ZNF32: variants seen among roughly 807,000 people sequenced by gnomAD.
The protein encoded by ZNF32 is zinc finger protein 32.
A neutral mutation model predicts 24.4 loss-of-function variants in ZNF32; 13 were observed. The observed-to-expected ratio is 0.53, with a 90% CI of 0.35 to 0.85. The LOEUF (loss-of-function observed/expected upper bound fraction) is 0.85, where lower values mean the gene tolerates loss of function less well. ZNF32 is among the 40% of genes least tolerant of loss of function. ZNF32 has a pLI of 0.01. For missense variants in ZNF32, 239 were observed against 325.3 expected (o/e 0.73, Z 2.04); for synonymous variants, 115 against 117.4 (o/e 0.98, Z 0.13).
At position 43,644,629 on chromosome 10, in the gene ZNF32, C is replaced by G; in HGVS notation, c.243G>C (p.Glu81Asp). The G allele has an allele frequency of 6.2e-7, 1 of 1,614,164 alleles. No homozygotes were observed. Among genetic ancestry groups the G allele is most frequent in the Non-Finnish European group, 8.5e-7 (1 of 1,180,022 alleles). Residue 81 changes from glutamate (E) to aspartate (D), a missense_variant, in exon 3 of 3, where the codon GAG (glutamate) becomes GAC (aspartate). Glu to Asp is a conservative substitution (Grantham distance 45, BLOSUM62 2). Coordinates refer to ENST00000374433, the MANE Select transcript of ZNF32 (RefSeq NM_006973.3). The surrounding 1 kb of genome is among the most constrained non-coding windows in gnomAD (Gnocchi z 5.3). Reference sequence around the variant, plus strand: ...CTTTTTGCCGGAAGGATTTTCCACACTCCTGGCACTCATAGACCCTTTGTC... The same window carrying G: ...CTTTTTGCCGGAAGGATTTTCCACAGTCCTGGCACTCATAGACCCTTTGTC... ...GVRQRVYECQ[E>D]CGKSFRQKGS...
At chr10:43,648,268 G>C (rs573074743) in intron 1 of ZNF32, among the ~76,000 whole-genome samples, 5 of 152,310 alleles carry the variant, frequency 3.3e-5, no homozygotes, top group South Asian at 4.2e-4. Context: ...TCTGGAGGGC[G>C]GATGAGAAGA....
In ZNF32 at chr10:43,643,965, C is replaced by T; in HGVS notation, c.*85G>A. The T allele has an allele frequency of 1.4e-6, 2 of 1,403,338 alleles. No homozygotes were observed. Among genetic ancestry groups the T allele is most frequent in the Non-Finnish European group, 1.9e-6 (2 of 1,054,428 alleles). 86.9% of individuals were successfully genotyped at this position (1,403,338 alleles called of 1,614,324 possible). A position where few individuals can be genotyped will look rare whatever the true frequency, so the allele number is the denominator to read the frequency against. ...TGGTCTTTCTGAAAGATTCTCCATT[C>T]ATTCCATAGAACTGGATAGGTTGCT... On this transcript the variant is annotated 3_prime_UTR_variant, in exon 3 of 3. Coordinates refer to ENST00000374433, the MANE Select transcript of ZNF32 (RefSeq NM_006973.3).
At chr10:43,646,788 G>T (rs545667055) in intron 1 of ZNF32, among the ~76,000 whole-genome samples, 8 of 152,266 alleles carry the variant, frequency 5.3e-5, no homozygotes, top group African/African-American at 1.9e-4. Flanking sequence ...GGAAAAGAAA[G>T]ACCTACTCTG....
chr10:43,645,521 T>C (rs1839257967), intron 2 of ZNF32, among the ~76,000 whole-genome samples: 1 of 152,236 alleles, frequency 6.6e-6, no homozygotes, highest in Non-Finnish European at 1.5e-5. Flanking sequence ...AAATAACCTG[T>C]CTGATACTGC....
chr10:43,646,548 C>T (rs1204152183), intron 1 of ZNF32, among the ~76,000 whole-genome samples: 1 of 152,222 alleles, frequency 6.6e-6, no homozygotes, highest in African/African-American at 2.4e-5. Flanking sequence ...ACTTTCTTCC[C>T]TCCAAGCCCC....
At chr10:43,645,948 C>A in intron 2 of ZNF32, 116 bp downstream of exon 2, 1 of 1,513,546 alleles carries the variant, frequency 6.6e-7, no homozygotes, top group Non-Finnish European at 8.8e-7. Flanking sequence ...CTAGGAACAG[C>A]AAGCTCTACC....
Position 43,644,657 on chromosome 10 carries a change from A to G in ZNF32, c.215T>C (p.Val72Ala), listed in dbSNP as rs1428436038. The change falls in exon 3 of 3, where the codon GTG (valine) becomes GCG (alanine). Residue 72 changes from valine to alanine, a missense_variant. By Grantham distance (64) the Val-to-Ala change is moderately conservative. Coordinates refer to ENST00000374433, the MANE Select transcript of ZNF32 (RefSeq NM_006973.3). This position sits in a 1 kb window ranked among gnomAD's most constrained non-coding sequence, Gnocchi z 5.3. ...CTGGCACTCATAGACCCTTTGTCTC[A>G]CTCCAGGTGAATCTTCCTGTAGTGT... ...SKTLQEDSPG[V>A]RQRVYECQEC... 6.2e-7 allele frequency: 1 copy of G among 1,613,920 alleles called. No individual in the cohort carries two copies. Among genetic ancestry groups the G allele is most frequent in the East Asian group, 2.2e-5 (1 of 44,856 alleles).
In ZNF32 at chr10:43,648,808, G is replaced by A. The variant is rs997585656; in HGVS notation, c.-76C>T. ...GGCCAGCGGCCTCACTCACCGCAGC[G>A]GCGCGTGCCCGCAGACAAAGGCCGG... On this transcript the variant is annotated 5_prime_UTR_variant, in exon 1 of 3. Coordinates refer to ENST00000374433, the MANE Select transcript of ZNF32 (RefSeq NM_006973.3). 1 of 152,012 alleles carries A rather than the reference G, an allele frequency of 6.6e-6. No individual in the cohort carries two copies. Among genetic ancestry groups the A allele is most frequent in the Non-Finnish European group, 1.5e-5 (1 of 67,946 alleles). 9.4% of individuals were successfully genotyped at this position (152,012 alleles called of 1,614,324 possible). A position where few individuals can be genotyped will look rare whatever the true frequency, so the allele number is the denominator to read the frequency against.
intron 2 of ZNF32, 112 bp downstream of exon 2, chr10:43,645,952 C>A: frequency 6.6e-7 from 1 of 1,524,322 alleles, no homozygotes; most frequent in Non-Finnish European, 8.8e-7. Context: ...GAACAGCAAG[C>A]TCTACCAAAG....
Position 43,644,104 on chromosome 10 carries a change from C to T in ZNF32, c.768G>A (p.Gln256=), listed in dbSNP as rs745978163. The change falls in exon 3 of 3, where the codon CAG becomes CAA. Residue 256 remains glutamine (Q), a synonymous_variant. Transcript: ENST00000374433. The surrounding 1 kb of genome is among the most constrained non-coding windows in gnomAD (Gnocchi z 5.3). ...GCTGGTGCACAGCCAGACTCCCTCTCTGGGTGAAGCTTTTTCCACACTGGC... is the reference window on the plus strand; with the variant it reads ...GCTGGTGCACAGCCAGACTCCCTCTTTGGGTGAAGCTTTTTCCACACTGGC... ...LCGQCGKSFT[Q]RGSLAVHQRS... 8 of 1,614,038 alleles carry T rather than the reference C, an allele frequency of 5.0e-6. No homozygotes were observed. In the African/African-American group the frequency reaches 8.0e-5, roughly 16 times the overall value.
At chr10:43,645,825 G>T in intron 2 of ZNF32, 1 of 709,306 alleles carries the variant, frequency 1.4e-6, no homozygotes, top group Non-Finnish European at 2.0e-6. Context: ...TGAGATTTAA[G>T]CTGCTCATTC....
intron 2 of ZNF32, among the ~76,000 whole-genome samples, chr10:43,645,579 A>G (rs1839259822): frequency 6.6e-6 from 1 of 152,228 alleles, no homozygotes; most frequent in Admixed American, 6.5e-5. Context: ...AATTTTTCCC[A>G]TTAAAATCCT....
chr10:43,648,127 T>A (rs1320323752), intron 1 of ZNF32: 1 of 152,216 alleles, frequency 6.6e-6, no homozygotes, highest in Non-Finnish European at 1.5e-5. Context: ...CCAGCAGCCC[T>A]GACTCTGCTT....
chr10:43,644,013 C>T lies in ZNF32; in HGVS notation c.*37G>A, dbSNP rs754434174. 1.3e-6 allele frequency: 2 copies of T among 1,564,580 alleles called. No homozygotes were observed. The highest frequency in any genetic ancestry group is 8.6e-7 in the Non-Finnish European group (1 of 1,158,324). On this transcript the variant is annotated 3_prime_UTR_variant, in exon 3 of 3. Transcript: ENST00000374433. The surrounding 1 kb of genome is among the most constrained non-coding windows in gnomAD (Gnocchi z 5.3). ...GCTTCATCTCAGAGGATTTTGTACT[C>T]TTAATTCATAAAGAGAACTTCTCTT...
intron 1 of ZNF32, among the ~76,000 whole-genome samples, chr10:43,647,390 T>G (rs963703337): frequency 1.3e-5 from 2 of 152,122 alleles, no homozygotes; most frequent in Non-Finnish European, 2.9e-5. Context: ...ATCTATTTTT[T>G]AAAAAAAATA....
Position 43,644,978 on chromosome 10 carries a change from C to G in ZNF32, c.71-177G>C, listed in dbSNP as rs1324565850. 5 of 731,742 alleles carry G rather than the reference C, an allele frequency of 6.8e-6. No homozygotes were observed. The highest frequency in any genetic ancestry group is 1.1e-5 in the Non-Finnish European group (5 of 468,698). The allele number at this position is 731,742 out of a possible 1,614,324, so 45.3% of individuals were successfully genotyped here. A position where few individuals can be genotyped will look rare whatever the true frequency, so the allele number is the denominator to read the frequency against. On this transcript the variant is annotated intron_variant, in intron 2 of 2. Transcript: ENST00000374433. This position sits in a 1 kb window ranked among gnomAD's most constrained non-coding sequence, Gnocchi z 5.3. ...ATACAGATAATGGGAGCAAAGGGAG[C>G]CTGTCAAAGGTCACAGAGCTAGGTA...
At chr10:43,646,318 G>C in intron 1 of ZNF32, 116 bp from the exon 2 acceptor site, 1 of 654,836 alleles carries the variant, frequency 1.5e-6, no homozygotes, top group Non-Finnish European at 2.5e-6. Context: ...TAGATTGTTT[G>C]ACATAATGTC....
chr10:43,647,865 C>G (rs1300221856), intron 1 of ZNF32: 1 of 152,170 alleles, frequency 6.6e-6, no homozygotes. Flanking sequence ...GCTGTGAGGT[C>G]TTCAAGTTAC....
rs1839201894 is a variant in ZNF32 at position 43,644,213 on chromosome 10, G to A, written c.659C>T (p.Thr220Ile). The A allele has an allele frequency of 1.9e-6, 3 of 1,614,078 alleles. No individual in the cohort carries two copies. The highest frequency in any genetic ancestry group is 2.5e-6 in the Non-Finnish European group (3 of 1,180,038). The part of the protein sequence containing the change: ...VHTGLKPYAC[T>I]QCRKSFHTRG... ...GGTGTGGAAACTCTTCCTGCACTGG[G>A]TACAGGCATAGGGCTTCAGGCCTGT... Residue 220 changes from threonine (T) to isoleucine (I), a missense_variant, in exon 3 of 3, where the codon ACC becomes ATC. By Grantham distance (89) the Thr-to-Ile change is moderately conservative (BLOSUM62 -1). Transcript: ENST00000374433. The surrounding 1 kb of genome is among the most constrained non-coding windows in gnomAD (Gnocchi z 5.3).
Sources: gnomAD v4.1 joint callset for allele counts (sites outside exome capture counted in the v4.1 genomes callset) on GRCh38, gnomAD v4.1.1 for gene constraint, Gnocchi (gnomAD v3.1) non-coding constraint, MANE v1.5 for transcripts, NCBI Gene and HGNC (gene_info 2026-07-23, HGNC 2026-07-21) for gene names.